Variants in ATP13A5 observed in about 807,000 individuals in gnomAD.
ATP13A5 encodes the protein probable cation-transporting ATPase 13A5.
A neutral mutation model predicts 150.2 loss-of-function variants in ATP13A5; 149 were observed. The ratio of observed to expected loss-of-function variants is 0.99; its 90% CI spans 0.87 to 1.14. ATP13A5 has a LOEUF of 1.14. Among genes scored for constraint, ATP13A5 ranks in the 50% most tolerant of loss-of-function variants. The pLI, the probability that ATP13A5 is intolerant of heterozygous loss-of-function variation, is 0.00. For synonymous variants in ATP13A5, 497 were observed against 522.2 expected (o/e 0.95, Z 0.66); for missense variants, 1,383 against 1,449.3 (o/e 0.95, Z 0.74).
Position 193,306,545 on chromosome 3 carries a change from TAA to T in ATP13A5, c.2568+780_2568+781del, listed in dbSNP as rs201203310. On this transcript the variant is annotated intron_variant, in intron 22 of 29. Transcript: ENST00000342358. Reference sequence around the variant, plus strand: ...TTCACAGAAATTTGGAAATAATATTTAAGAGAGAAATAAAACAAATACCAAGA... The same window carrying T: ...TTCACAGAAATTTGGAAATAATATTTGAGAGAAATAAAACAAATACCAAGA... Among the ~76,000 whole-genome samples the T allele has an allele frequency of 8.4e-3, 1,276 of 152,266 alleles. 39 individuals carry two copies. The highest frequency in any genetic ancestry group is 0.049 in the Admixed American group (745 of 15,286).
At chr3:193,367,469 C>T (rs931457174) in intron 1 of ATP13A5, among the ~76,000 whole-genome samples, 1 of 151,922 alleles carries the variant, frequency 6.6e-6, no homozygotes, top group South Asian at 2.1e-4. Flanking sequence ...GAAAATTCTC[C>T]CAATTTGTTT....
intron 16 of ATP13A5, among the ~76,000 whole-genome samples, chr3:193,321,394 G>T (rs962085367): frequency 1.1e-4 from 17 of 152,176 alleles, no homozygotes; most frequent in African/African-American, 3.1e-4. Context: ...ACTTTTGGAG[G>T]CTGAGGCAGG....
intron 1 of ATP13A5, among the ~76,000 whole-genome samples, chr3:193,374,657 A>G (rs917187970): frequency 1.3e-5 from 2 of 151,932 alleles, no homozygotes; most frequent in Non-Finnish European, 2.9e-5. Flanking sequence ...ACACACACAC[A>G]CACACACACA....
At chr3:193,282,629 G>T (rs1717550520) in intron 27 of ATP13A5, among the ~76,000 whole-genome samples, 1 of 152,154 alleles carries the variant, frequency 6.6e-6, no homozygotes, top group South Asian at 2.1e-4. Flanking sequence ...TGCCCGCCTT[G>T]GCCTCCCAAA....
chr3:193,354,866 G>T (rs1402574814), intron 5 of ATP13A5, among the ~76,000 whole-genome samples: 2 of 150,820 alleles, frequency 1.3e-5, no homozygotes, highest in African/African-American at 2.4e-5. Flanking sequence ...CCTCTATTTT[G>T]CCAATGGAAG....
intron 1 of ATP13A5, among the ~76,000 whole-genome samples, chr3:193,367,060 G>T (rs1713264233): frequency 6.6e-6 from 1 of 151,942 alleles, no homozygotes; most frequent in Non-Finnish European, 1.5e-5. Flanking sequence ...TCCTTACATA[G>T]ACATTTACAG....
At chr3:193,298,063 A>T (rs570147897) in intron 25 of ATP13A5, among the ~76,000 whole-genome samples, 2 of 152,222 alleles carry the variant, frequency 1.3e-5, no homozygotes, top group African/African-American at 4.8e-5. Context: ...GCATCATTGT[A>T]TCTGATCCTC....
intron 26 of ATP13A5, among the ~76,000 whole-genome samples, chr3:193,288,360 T>A (rs990803440): frequency 6.6e-6 from 1 of 152,080 alleles, no homozygotes; most frequent in African/African-American, 2.4e-5. Context: ...GCAAACTTCA[T>A]CGTTGTTTAT....
At chr3:193,320,119 G>A (rs1204958164) in intron 16 of ATP13A5, among the ~76,000 whole-genome samples, 13 of 152,146 alleles carry the variant, frequency 8.5e-5, no homozygotes, top group Admixed American at 8.5e-4. Flanking sequence ...ACAGAACAAT[G>A]GGAGGTATAG....
Position 193,275,060 on chromosome 3 carries a change from A to G in ATP13A5, c.3639T>C (p.His1213=), listed in dbSNP as rs769598623. 1.2e-6 allele frequency: 2 copies of G among 1,614,210 alleles called. No individual in the cohort carries two copies. The highest frequency in any genetic ancestry group is 8.5e-7 in the Non-Finnish European group (1 of 1,180,032). The change falls in exon 30 of 30, where the codon CAT becomes CAC. Residue 1213 remains histidine (H), a synonymous_variant. Transcript: ENST00000342358. ...ATTCTGATTACAGCCTGGCCCAGAA[A>G]TGCTGTTCTGTGGGTTGGCCTCCCA... The part of the protein sequence containing the change: ...LKLGGQPTEQ[H]FWARL
chr3:193,338,047 G>A (rs1386481063), intron 9 of ATP13A5, among the ~76,000 whole-genome samples: 1 of 152,186 alleles, frequency 6.6e-6, no homozygotes, highest in Non-Finnish European at 1.5e-5. Context: ...TGTTATGGGT[G>A]TAGAAGAATG....
intron 25 of ATP13A5, among the ~76,000 whole-genome samples, chr3:193,297,494 T>C (rs766254402): frequency 4.2e-4 from 64 of 152,000 alleles, no homozygotes; most frequent in Non-Finnish European, 7.8e-4. Context: ...ACATAGCTGG[T>C]TTCTGCCTCT....
At chr3:193,279,976 TAAAAAAAAAAA>T (rs57617984) in intron 27 of ATP13A5, among the ~76,000 whole-genome samples, 1 of 59,900 alleles carries the variant, frequency 1.7e-5, no homozygotes, top group East Asian at 6.5e-4. Context: ...GTGTCTTTGT[TAAAAAAAAAAA>T]AAAAAAAAAA....
rs116079392 is a variant in ATP13A5, at chr3:193,278,567, C to T, written c.3315+799G>A. ...AAAACAAAACCTCTTTCAGTCCTCTCTGCGTCTTAGGCTGTTCTTATTGGG... is the reference window on the plus strand; with the variant it reads ...AAAACAAAACCTCTTTCAGTCCTCTTTGCGTCTTAGGCTGTTCTTATTGGG... On this transcript the variant is annotated intron_variant, in intron 28 of 29. Coordinates refer to ENST00000342358, the MANE Select transcript of ATP13A5 (RefSeq NM_198505.4). Among the ~76,000 whole-genome samples, 1,047 of 152,328 alleles carry T rather than the reference C, an allele frequency of 6.9e-3. 8 individuals carry two copies. The highest frequency in any genetic ancestry group is 0.024 in the African/African-American group (984 of 41,570).
Position 193,274,838 on chromosome 3 carries a change from C to A in ATP13A5, c.*204G>T. The A allele has an allele frequency of 1.5e-6, 1 of 651,264 alleles. No homozygotes were observed. The highest frequency in any genetic ancestry group is 2.6e-6 in the Non-Finnish European group (1 of 384,742). 40.3% of individuals were successfully genotyped at this position (651,264 alleles called of 1,614,324 possible). A position where few individuals can be genotyped will look rare whatever the true frequency, so the allele number is the denominator to read the frequency against. ...ATTGAAAAGGATGATACAGGAAATGCATTTTTTTCTCTCATTGGTAAAGCA... is the reference window on the plus strand; with the variant it reads ...ATTGAAAAGGATGATACAGGAAATGAATTTTTTTCTCTCATTGGTAAAGCA... On this transcript the variant is annotated 3_prime_UTR_variant, in exon 30 of 30. Coordinates refer to ENST00000342358, the MANE Select transcript of ATP13A5 (RefSeq NM_198505.4).
chr3:193,285,644 A>G (rs1237458871), intron 26 of ATP13A5, among the ~76,000 whole-genome samples: 1 of 152,190 alleles, frequency 6.6e-6, no homozygotes, highest in South Asian at 2.1e-4. Context: ...GTCTCAATCT[A>G]CCTTTTCAGT....
intron 26 of ATP13A5, among the ~76,000 whole-genome samples, chr3:193,289,031 G>C (rs961312858): frequency 1.3e-4 from 20 of 152,078 alleles, no homozygotes; most frequent in Non-Finnish European, 2.1e-4. Flanking sequence ...TATATTCCTA[G>C]TTATACTTAA....
At chr3:193,276,982 C>T in intron 28 of ATP13A5, 152 bp from the exon 29 acceptor site, 1 of 611,372 alleles carries the variant, frequency 1.6e-6, no homozygotes, top group Non-Finnish European at 2.8e-6. Context: ...AACTGAAGGA[C>T]TCAAAGCCTA....
At chr3:193,363,043 C>T (rs1350157623) in intron 3 of ATP13A5, among the ~76,000 whole-genome samples, 193 bp downstream of exon 3, 4 of 152,136 alleles carry the variant, frequency 2.6e-5, no homozygotes, top group African/African-American at 9.7e-5. Context: ...CTCAAGGGAT[C>T]CGCCCACATT....
Sources: allele counts gnomAD v4.1 joint callset (sites outside exome capture counted in the v4.1 genomes callset), GRCh38; gene constraint gnomAD v4.1.1; transcripts MANE v1.5; gene names NCBI Gene and HGNC (gene_info 2026-07-23, HGNC 2026-07-21).